The following RAB39A variants were observed in gnomAD, a reference collection of about 807,000 sequenced individuals.
RAB39A encodes the protein RAB39A, member RAS oncogene family, also known as ras-related protein Rab-39A.
In RAB39A, 17 loss-of-function variants were observed where a neutral mutation model predicts 20.9. That is an observed-to-expected ratio of 0.81 (90% confidence interval 0.56 to 1.22). The LOEUF is 1.22. Ranked by LOEUF, RAB39A falls within the 50% of genes most tolerant of loss-of-function variation. The pLI is 0.00. For missense variants in RAB39A, 234 were observed against 270.5 expected (o/e 0.87, Z 0.95); for synonymous variants, 99 against 103.4 (o/e 0.96, Z 0.26).
chr11:107,946,460 A>ATTTTTT (rs869125579), intron 1 of RAB39A, among the ~76,000 whole-genome samples: 3 of 15,748 alleles, frequency 1.9e-4, no homozygotes, highest in Non-Finnish European at 3.3e-4. Context: ...ATATATATAT[A>ATTTTTT]TTTTTTTTTT....
At chr11:107,930,691 A>G (rs1861126733) in intron 1 of RAB39A, among the ~76,000 whole-genome samples, 1 of 151,874 alleles carries the variant, frequency 6.6e-6, no homozygotes, top group Admixed American at 6.6e-5. Context: ...CCCTGTCTCT[A>G]CCAAAAATAC....
At chr11:107,961,466 T>C (rs1443960808) in intron 1 of RAB39A, among the ~76,000 whole-genome samples, 2 of 152,146 alleles carry the variant, frequency 1.3e-5, no homozygotes, top group East Asian at 1.9e-4. Context: ...ACATAAGAAT[T>C]TGGGAGGGAC....
At chr11:107,949,947 C>T (rs1416242030) in intron 1 of RAB39A, among the ~76,000 whole-genome samples, 3 of 151,708 alleles carry the variant, frequency 2.0e-5, no homozygotes, top group Non-Finnish European at 2.9e-5. Flanking sequence ...CCGAGGCGGG[C>T]GTATTACAAG....
Position 107,961,964 on chromosome 11 carries a change from T to C in RAB39A, c.246T>C (p.Tyr82=). ...TTTTCAGATCAATAACCCGATCTTATTACCGCAACTCAGTTGGTGGATTTT... is the reference window on the plus strand; with the variant it reads ...TTTTCAGATCAATAACCCGATCTTACTACCGCAACTCAGTTGGTGGATTTT... ...QERFRSITRS[Y]YRNSVGGFLV... is the part of the protein sequence containing the mutation. The change falls in exon 2 of 2, where the codon TAT becomes TAC. Residue 82 remains tyrosine, a synonymous_variant. Transcript: ENST00000320578. The C allele has an allele frequency of 6.2e-7, 1 of 1,611,072 alleles. No homozygotes were observed. The highest frequency in any genetic ancestry group is 1.3e-5 in the African/African-American group (1 of 74,992).
chr11:107,958,276 C>T (rs7938707), intron 1 of RAB39A, among the ~76,000 whole-genome samples: 139,986 of 152,226 alleles, frequency 0.92, 64,534 homozygotes, highest in Non-Finnish European at 0.96. Context: ...ATAATTGTTA[C>T]TCCTCATCAA....
chr11:107,938,974 A>G (rs1861230132), intron 1 of RAB39A, among the ~76,000 whole-genome samples: 1 of 151,886 alleles, frequency 6.6e-6, no homozygotes, highest in Non-Finnish European at 1.5e-5. Context: ...GAAGTAAACT[A>G]TTCACGCCTG....
At chr11:107,933,247 C>T (rs1178090958) in intron 1 of RAB39A, among the ~76,000 whole-genome samples, 3 of 151,214 alleles carry the variant, frequency 2.0e-5, no homozygotes, top group African/African-American at 7.3e-5. Context: ...TTAATGTCCT[C>T]CTCGTGCAGT....
intron 1 of RAB39A, among the ~76,000 whole-genome samples, chr11:107,933,917 A>G (rs1223289117): frequency 3.9e-5 from 6 of 152,056 alleles, no homozygotes; most frequent in Non-Finnish European, 7.4e-5. Flanking sequence ...CAGCCTCCCA[A>G]AGTGCTGGGA....
intron 1 of RAB39A, among the ~76,000 whole-genome samples, chr11:107,934,433 C>T (rs748789738): frequency 8.1e-4 from 123 of 151,826 alleles, no homozygotes; most frequent in Non-Finnish European, 1.3e-3. Flanking sequence ...GACCCTGTCT[C>T]TAAAAAGAGG....
chr11:107,934,876 C>G (rs1861177708), intron 1 of RAB39A, among the ~76,000 whole-genome samples: 1 of 149,862 alleles, frequency 6.7e-6, no homozygotes, highest in Non-Finnish European at 1.5e-5. Context: ...TTGCGGTGAG[C>G]CGAGATTACA....
At chr11:107,933,175 G>A (rs1861154591) in intron 1 of RAB39A, among the ~76,000 whole-genome samples, 1 of 151,938 alleles carries the variant, frequency 6.6e-6, no homozygotes, top group Admixed American at 6.6e-5. Flanking sequence ...TGTAGAATGG[G>A]AAACCTCTAG....
chr11:107,933,972 A>G (rs1189910303), intron 1 of RAB39A, among the ~76,000 whole-genome samples: 2 of 152,194 alleles, frequency 1.3e-5, no homozygotes, highest in African/African-American at 4.8e-5. Flanking sequence ...TCTTTTTAAA[A>G]GAAGCATTCT....
In RAB39A at chr11:107,928,784, G is replaced by C; in HGVS notation, c.216G>C (p.Gln72His). The C allele has an allele frequency of 6.3e-7, 1 of 1,581,052 alleles. No homozygotes were observed. Among genetic ancestry groups the C allele is most frequent in the Non-Finnish European group, 8.6e-7 (1 of 1,161,286 alleles). Residue 72 changes from glutamine (Q) to histidine (H), a missense_variant, in exon 1 of 2, where the codon CAG becomes CAC. Transcript: ENST00000320578. The surrounding 1 kb of genome is among the most constrained non-coding windows in gnomAD (Gnocchi z 4.9). Reference protein sequence around the residue: ...IKLQLWDTAGQERFRSITRSY... With the variant: ...IKLQLWDTAGHERFRSITRSY... ...TACAGCTCTGGGACACGGCGGGACA[G>C]GAGCGGTTCAGGTAGGGACCCCGGG...
chr11:107,962,180 A>G lies in RAB39A; in HGVS notation c.462A>G (p.Ile154Met). 2.5e-6 allele frequency: 4 copies of G among 1,614,176 alleles called. No homozygotes were observed. The South Asian group carries it at 3.3e-5, about 13-fold the overall frequency. Reference sequence around the variant, plus strand: ...CAGCAGACTGTGGAATGAAGTATATAGAAACCTCAGCAAAGGATGCTACAA... The same window carrying G: ...CAGCAGACTGTGGAATGAAGTATATGGAAACCTCAGCAAAGGATGCTACAA... ...KLSADCGMKYIETSAKDATNV... is the reference protein window; with the variant it reads ...KLSADCGMKYMETSAKDATNV... Residue 154 changes from isoleucine (I) to methionine (M), a missense_variant, in exon 2 of 2, where the codon ATA (isoleucine) becomes ATG (methionine). Coordinates refer to ENST00000320578, the MANE Select transcript of RAB39A (RefSeq NM_017516.3).
chr11:107,946,086 A>G (rs1180118466), intron 1 of RAB39A, among the ~76,000 whole-genome samples: 2 of 152,004 alleles, frequency 1.3e-5, no homozygotes, highest in Admixed American at 6.6e-5. Flanking sequence ...ATCATCTTAC[A>G]GTGAGGCATT....
intron 1 of RAB39A, among the ~76,000 whole-genome samples, chr11:107,946,477 T>C (rs1861319793): frequency 2.2e-5 from 2 of 90,194 alleles, no homozygotes; most frequent in Admixed American, 2.2e-4. Context: ...TTTTTTTTTT[T>C]TTTTTTTTTT....
rs780646408 is a variant in RAB39A at position 107,928,737 on chromosome 11, G to A, written c.169G>A (p.Glu57Lys). The A allele has an allele frequency of 6.2e-7, 1 of 1,608,652 alleles. No homozygotes were observed. The highest frequency in any genetic ancestry group is 8.5e-7 in the Non-Finnish European group (1 of 1,177,194). ...CTTCTTCTCCCGCCTGCTGGAGATC[G>A]AGCCGGGCAAGAGGATCAAGCTACA... ...VDFFSRLLEI[E>K]PGKRIKLQLW... The change falls in exon 1 of 2, where the codon GAG becomes AAG. Residue 57 changes from glutamate (E) to lysine (K), a missense_variant. Glu to Lys is a moderately conservative substitution (Grantham distance 56). Transcript: ENST00000320578. The surrounding 1 kb of genome is among the most constrained non-coding windows in gnomAD (Gnocchi z 4.9).
intron 1 of RAB39A, among the ~76,000 whole-genome samples, chr11:107,938,459 G>C (rs1861222298): frequency 6.6e-6 from 1 of 150,860 alleles, no homozygotes. Context: ...TTTAGGCACA[G>C]TGGCTCATGC....
chr11:107,930,685 G>A (rs954750778), intron 1 of RAB39A, among the ~76,000 whole-genome samples: 28 of 152,022 alleles, frequency 1.8e-4, no homozygotes, highest in African/African-American at 6.7e-4. Context: ...GTGAAACCCT[G>A]TCTCTACCAA....
Sources: gnomAD v4.1 joint callset for allele counts (sites outside exome capture counted in the v4.1 genomes callset) on GRCh38, gnomAD v4.1.1 for gene constraint, Gnocchi (gnomAD v3.1) non-coding constraint, MANE v1.5 for transcripts, NCBI Gene and HGNC (gene_info 2026-07-23, HGNC 2026-07-21) for gene names.